The following BABAM2 variants were observed in gnomAD, a reference collection of about 807,000 sequenced individuals.
BABAM2 encodes the protein BRISC and BRCA1-A complex member 2.
A neutral mutation model predicts 54.7 loss-of-function variants in BABAM2; 31 were observed. The observed-to-expected ratio is 0.57, with a 90% CI of 0.43 to 0.77. The LOEUF is 0.77. Ranked by LOEUF, BABAM2 falls within the 30% of genes least tolerant of loss-of-function variation. The probability of loss-of-function intolerance (pLI) is 0.00; values close to 1 mark genes in which losing one functional copy is unlikely to be tolerated. For missense variants in BABAM2, 364 were observed against 455.8 expected (o/e 0.80, Z 1.83); for synonymous variants, 167 against 162.9 (o/e 1.03, Z -0.19).
At chr2:28,108,556 C>G (rs901959161) in intron 6 of BABAM2, among the ~76,000 whole-genome samples, 1 of 152,214 alleles carries the variant, frequency 6.6e-6, no homozygotes, top group Admixed American at 6.5e-5. Flanking sequence ...TCTTCTAAAT[C>G]TGTTCATCAG....
intron 5 of BABAM2, among the ~76,000 whole-genome samples, chr2:28,040,393 C>T (rs1237712962): frequency 2.1e-5 from 3 of 144,090 alleles, no homozygotes; most frequent in South Asian, 2.3e-4. Context: ...CTCCGCCTCC[C>T]GGGTTCACGC....
At chr2:28,278,155 AAAG>A (rs758836919) in intron 10 of BABAM2, among the ~76,000 whole-genome samples, 1 of 152,230 alleles carries the variant, frequency 6.6e-6, no homozygotes, top group Non-Finnish European at 1.5e-5. Context: ...ACCTAGTTAT[AAAG>A]ACCCTTTTAT....
At chr2:28,212,178 A>T (rs184879592) in intron 7 of BABAM2, among the ~76,000 whole-genome samples, 8 of 152,198 alleles carry the variant, frequency 5.3e-5, no homozygotes, top group Admixed American at 2.6e-4. Context: ...ATAGCTTGAG[A>T]TATTTGCAAA....
chr2:28,277,210 A>G (rs1685952277), intron 10 of BABAM2, among the ~76,000 whole-genome samples: 1 of 152,078 alleles, frequency 6.6e-6, no homozygotes, highest in Non-Finnish European at 1.5e-5. Flanking sequence ...GGTTCAAGCG[A>G]TTCTCCTGCC....
At chr2:28,241,214 C>T (rs1002441419) in intron 8 of BABAM2, 109 bp from the exon 9 acceptor site, 35 of 1,010,236 alleles carry the variant, frequency 3.5e-5, no homozygotes, top group Admixed American at 1.6e-4. Context: ...GTGGGAATAC[C>T]GGTGTTCACT....
chr2:27,916,155 A>G (rs886127214), intron 2 of BABAM2, among the ~76,000 whole-genome samples: 1 of 152,204 alleles, frequency 6.6e-6, no homozygotes, highest in Non-Finnish European at 1.5e-5. Context: ...CCTTCCCTAT[A>G]TGGATCAGGA....
intron 10 of BABAM2, among the ~76,000 whole-genome samples, chr2:28,269,850 A>G (rs536249765): frequency 2.0e-5 from 3 of 146,450 alleles, no homozygotes; most frequent in African/African-American, 7.5e-5. Context: ...TTTTCTTGTC[A>G]TTTTTTTTTT....
At chr2:28,147,858 A>G (rs1021405525) in intron 7 of BABAM2, among the ~76,000 whole-genome samples, 5 of 152,154 alleles carry the variant, frequency 3.3e-5, no homozygotes, top group African/African-American at 1.2e-4. Flanking sequence ...GGTCCAGTGC[A>G]TTCTTGGACA....
chr2:27,993,899 C>A (rs1672949602), intron 4 of BABAM2, among the ~76,000 whole-genome samples: 1 of 152,124 alleles, frequency 6.6e-6, no homozygotes, highest in South Asian at 2.1e-4. Flanking sequence ...CAAAATAGTT[C>A]CCATCCCCAG....
At chr2:27,928,380 C>T (rs1043561139) in intron 2 of BABAM2, among the ~76,000 whole-genome samples, 12 of 152,024 alleles carry the variant, frequency 7.9e-5, no homozygotes, top group African/African-American at 2.9e-4. Context: ...GAACTCCTGA[C>T]CTCCAGTGAT....
At chr2:28,170,131 G>A (rs944744673) in intron 7 of BABAM2, among the ~76,000 whole-genome samples, 8 of 151,914 alleles carry the variant, frequency 5.3e-5, no homozygotes, top group African/African-American at 1.2e-4. Flanking sequence ...TATAAATAAC[G>A]TGTTTTATAA....
rs1690899904 is a variant in BABAM2, at chr2:28,330,943, C to G, written c.1089-7507C>G. On this transcript the variant is annotated intron_variant, in intron 11 of 11. Coordinates refer to ENST00000379624, the MANE Select transcript of BABAM2 (RefSeq NM_199191.3). ...GTGACTTCAGACTTTACTACAGTAA[C>G]CAAAACGGCATGGTACTGGTACAAA... Among the ~76,000 whole-genome samples, 3 of 152,052 alleles carry G rather than the reference C, an allele frequency of 2.0e-5. 1 individual carries two copies. Among genetic ancestry groups the G allele is most frequent in the African/African-American group, 7.2e-5 (3 of 41,398 alleles).
At chr2:28,032,369 A>T (rs1332177112) in intron 5 of BABAM2, among the ~76,000 whole-genome samples, 1 of 152,198 alleles carries the variant, frequency 6.6e-6, no homozygotes, top group African/African-American at 2.4e-5. Flanking sequence ...GCTCTGATTT[A>T]CTATCAGTCT....
At chr2:28,025,548 A>G in intron 5 of BABAM2, 128 bp downstream of exon 5, 2 of 925,844 alleles carry the variant, frequency 2.2e-6, no homozygotes, top group East Asian at 2.9e-5. Context: ...TATGTTTCTC[A>G]TAATTTAGAG....
intron 6 of BABAM2, among the ~76,000 whole-genome samples, chr2:28,106,248 T>C (rs1237335288): frequency 6.6e-6 from 1 of 152,216 alleles, no homozygotes; most frequent in Non-Finnish European, 1.5e-5. Flanking sequence ...ATGATTTCTT[T>C]GTAGCAGAAG....
At chr2:28,192,045 T>G (rs1468881476) in intron 7 of BABAM2, among the ~76,000 whole-genome samples, 3 of 152,048 alleles carry the variant, frequency 2.0e-5, no homozygotes, top group Non-Finnish European at 4.4e-5. Context: ...GTTTTTTGTG[T>G]TTTTTTTGAG....
chr2:28,176,363 A>T (rs1248038792), intron 7 of BABAM2, among the ~76,000 whole-genome samples: 1 of 152,018 alleles, frequency 6.6e-6, no homozygotes, highest in East Asian at 1.9e-4. Context: ...TGAGGCCAGG[A>T]GTTTGAAACC....
intron 7 of BABAM2, among the ~76,000 whole-genome samples, chr2:28,135,528 C>T (rs1479285705): frequency 6.6e-6 from 1 of 152,136 alleles, no homozygotes; most frequent in East Asian, 1.9e-4. Context: ...TTTCTAATCT[C>T]AGCATTTCTC....
intron 6 of BABAM2, among the ~76,000 whole-genome samples, chr2:28,085,420 A>C (rs1323968449): frequency 6.6e-6 from 1 of 152,214 alleles, no homozygotes; most frequent in Non-Finnish European, 1.5e-5. Flanking sequence ...ACTGAATTTC[A>C]AAACCTCATA....
Sources: gnomAD v4.1 joint callset for allele counts (sites outside exome capture counted in the v4.1 genomes callset) on GRCh38, gnomAD v4.1.1 for gene constraint, MANE v1.5 for transcripts, NCBI Gene and HGNC (gene_info 2026-07-23, HGNC 2026-07-21) for gene names.